The following PODXL2 variants were observed in gnomAD, a reference collection of about 807,000 sequenced individuals.
PODXL2 encodes podocalyxin like 2.
Under a neutral mutation model 53.4 loss-of-function variants are expected in PODXL2, and 17 were observed. That is an observed-to-expected ratio of 0.32 (90% confidence interval 0.22 to 0.48). PODXL2 has a LOEUF of 0.48. Among genes scored for constraint, PODXL2 ranks in the 20% least tolerant of loss-of-function variants. The pLI is 0.99. For missense variants in PODXL2, 673 were observed against 760.0 expected, an observed-to-expected ratio of 0.89 and a Z score of 1.35; for synonymous variants, 311 against 306.7, an observed-to-expected ratio of 1.01 and a Z score of -0.15.
intron 5 of PODXL2, 146 bp from the exon 6 acceptor site, chr3:127,668,995 G>T (rs1429894411): frequency 8.4e-6 from 5 of 594,092 alleles, no homozygotes; most frequent in African/African-American, 1.9e-5. Flanking sequence ...AGAGGGGGAG[G>T]CATGTGCCTT....
At position 127,668,590 on chromosome 3, in the gene PODXL2, C is replaced by A. The variant is rs115801246; in HGVS notation, c.1356C>A (p.Gly452=). ...AGCACCTTCTCATGACACTGGTGGG[C>A]GAGCAGGGTGAGCGAGGGCAGGTGA... The part of the protein sequence containing the change: ...KEQHLLMTLV[G]EQGVVPTQDV... Residue 452 remains glycine (G), a synonymous_variant, in exon 5 of 8, where the codon GGC becomes GGA. Transcript: ENST00000342480. 8.0e-5 allele frequency: 123 copies of A among 1,534,148 alleles called. No homozygotes were observed. Among genetic ancestry groups the A allele is most frequent in the Non-Finnish European group, 1.1e-4 (120 of 1,138,390 alleles).
chr3:127,633,353 A>G (rs1177067392), intron 1 of PODXL2, among the ~76,000 whole-genome samples: 1 of 152,176 alleles, frequency 6.6e-6, no homozygotes, highest in East Asian at 1.9e-4. Context: ...CATCCACAAG[A>G]TGTTTTTGTG....
chr3:127,652,620 A>T (rs1487743732), intron 2 of PODXL2, among the ~76,000 whole-genome samples: 1 of 152,142 alleles, frequency 6.6e-6, no homozygotes, highest in Non-Finnish European at 1.5e-5. Context: ...GAGGACAGGG[A>T]TGAATCCATG....
intron 4 of PODXL2, chr3:127,665,914 T>C (rs1410458174): frequency 2.2e-6 from 1 of 464,394 alleles, no homozygotes; most frequent in Admixed American, 2.3e-5. Flanking sequence ...TTCCTTTTAA[T>C]GAGGAAAGGT....
chr3:127,661,029 C>T lies in PODXL2; in HGVS notation c.1001C>T (p.Ser334Phe), dbSNP rs759179475. ...CTTGGCTCTAGAACCTCAGCCTCTT[C>T]CCCACTGGCCCCTGGAGACATGGAA... ...DPLGSRTSASSPLAPGDMELT... is the reference protein window; with the variant it reads ...DPLGSRTSASFPLAPGDMELT... Residue 334 changes from serine (S) to phenylalanine (F), a missense_variant, in exon 3 of 8, where the codon TCC becomes TTC. This residue lies in a region of PODXL2 where 588 missense variants were observed against 668.3 expected (regional missense o/e 0.88). Coordinates refer to ENST00000342480, the MANE Select transcript of PODXL2 (RefSeq NM_015720.4). 5.0e-6 allele frequency: 8 copies of T among 1,614,104 alleles called. No homozygotes were observed. The highest frequency in any genetic ancestry group is 5.9e-6 in the Non-Finnish European group (7 of 1,180,018).
intron 2 of PODXL2, among the ~76,000 whole-genome samples, chr3:127,645,862 G>T (rs928627319): frequency 3.3e-5 from 5 of 152,214 alleles, no homozygotes; most frequent in East Asian, 1.9e-4. Flanking sequence ...CTGTCTAGGG[G>T]TTCTTGGGGA....
chr3:127,631,661 T>C (rs1206281151), intron 1 of PODXL2, among the ~76,000 whole-genome samples: 1 of 152,228 alleles, frequency 6.6e-6, no homozygotes, highest in Non-Finnish European at 1.5e-5. Flanking sequence ...AGATTAATTA[T>C]TAAGTGCAAA....
intron 6 of PODXL2, among the ~76,000 whole-genome samples, chr3:127,670,625 C>T (rs929118248): frequency 2.0e-5 from 3 of 152,196 alleles, no homozygotes; most frequent in Admixed American, 6.5e-5. Context: ...GGGTGGTTCA[C>T]AGAAACCGGG....
At chr3:127,658,924 G>T (rs1224002751) in intron 2 of PODXL2, among the ~76,000 whole-genome samples, 1 of 151,022 alleles carries the variant, frequency 6.6e-6, no homozygotes, top group Admixed American at 6.6e-5. Flanking sequence ...TACATTGGTT[G>T]TCTGTATCTT....
chr3:127,665,310 G>C (rs546576215), intron 4 of PODXL2, among the ~76,000 whole-genome samples: 2 of 152,306 alleles, frequency 1.3e-5, no homozygotes, highest in South Asian at 4.1e-4. Context: ...AAACTGATGG[G>C]CTATACAGAG....
At position 127,668,511 on chromosome 3, in the gene PODXL2, G is replaced by T. The variant is rs760816062; in HGVS notation, c.1277G>T (p.Ser426Ile). 1 of 1,578,234 alleles carries T rather than the reference G, an allele frequency of 6.3e-7. No individual in the cohort carries two copies. The highest frequency in any genetic ancestry group is 8.6e-7 in the Non-Finnish European group (1 of 1,162,706). ...GAAGAGGTGCTGCCCCGCCATGGCAGTGGCCACCATGGGGCCTGGCACATC... is the reference window on the plus strand; with the variant it reads ...GAAGAGGTGCTGCCCCGCCATGGCATTGGCCACCATGGGGCCTGGCACATC... ...LVEEVLPRHGSGHHGAWHISL... is the reference protein window; with the variant it reads ...LVEEVLPRHGIGHHGAWHISL... The change falls in exon 5 of 8, where the codon AGT becomes ATT. Residue 426 changes from serine (S) to isoleucine (I), a missense_variant. Coordinates refer to ENST00000342480, the MANE Select transcript of PODXL2 (RefSeq NM_015720.4).
chr3:127,648,795 T>C (rs957630136), intron 2 of PODXL2, among the ~76,000 whole-genome samples: 1 of 143,990 alleles, frequency 6.9e-6, no homozygotes, highest in East Asian at 2.0e-4. Context: ...TTCTTTTTTT[T>C]TTTTTTTTTT....
chr3:127,630,484 T>C (rs1326739319), intron 1 of PODXL2, among the ~76,000 whole-genome samples: 1 of 152,160 alleles, frequency 6.6e-6, no homozygotes, highest in South Asian at 2.1e-4. Flanking sequence ...AGCTGGCCCA[T>C]GAAGACACAG....
At chr3:127,648,614 T>C (rs886406369) in intron 2 of PODXL2, among the ~76,000 whole-genome samples, 34 of 151,858 alleles carry the variant, frequency 2.2e-4, no homozygotes, top group African/African-American at 7.5e-4. Context: ...GGACTATCTC[T>C]TTCTGGACTT....
At position 127,629,397 on chromosome 3, in the gene PODXL2, G is replaced by A; in HGVS notation, c.70+108G>A. 2 of 863,122 alleles carry A rather than the reference G, an allele frequency of 2.3e-6. No homozygotes were observed. Among genetic ancestry groups the A allele is most frequent in the South Asian group, 1.0e-4 (2 of 19,940 alleles). The allele number at this position is 863,122 out of a possible 1,614,324, so 53.5% of individuals were successfully genotyped here. A position where few individuals can be genotyped will look rare whatever the true frequency, so the allele number is the denominator to read the frequency against. ...AGGGGCCAGAGTGCGGCGCCGCCGGGAGCGCGCGTGTCCCGGCCGGGCCGC... is the reference window on the plus strand; with the variant it reads ...AGGGGCCAGAGTGCGGCGCCGCCGGAAGCGCGCGTGTCCCGGCCGGGCCGC... On this transcript the variant is annotated intron_variant, in intron 1 of 7. Transcript: ENST00000342480. This position sits in a 1 kb window ranked among gnomAD's most constrained non-coding sequence, Gnocchi z 6.4.
chr3:127,666,160 T>C (rs1185223520), intron 4 of PODXL2, among the ~76,000 whole-genome samples: 1 of 152,230 alleles, frequency 6.6e-6, no homozygotes, highest in East Asian at 1.9e-4. Context: ...TGCTACAAAC[T>C]TTAGATCTGT....
chr3:127,669,698 G>A (rs1315962402), intron 6 of PODXL2, among the ~76,000 whole-genome samples: 3 of 152,214 alleles, frequency 2.0e-5, no homozygotes, highest in Non-Finnish European at 4.4e-5. Context: ...CTCCTGCTGC[G>A]GTGAGATGCG....
intron 1 of PODXL2, among the ~76,000 whole-genome samples, chr3:127,632,546 A>G (rs1349070753): frequency 1.3e-5 from 2 of 152,192 alleles, no homozygotes; most frequent in African/African-American, 2.4e-5. Flanking sequence ...AACCTATACA[A>G]TGTGTATTAT....
chr3:127,654,529 C>T (rs1180999577), intron 2 of PODXL2, among the ~76,000 whole-genome samples: 2 of 152,104 alleles, frequency 1.3e-5, no homozygotes, highest in Non-Finnish European at 2.9e-5. Flanking sequence ...TCAGGCCTCC[C>T]GGTAATTCTG....
Sources: allele counts gnomAD v4.1 joint callset (sites outside exome capture counted in the v4.1 genomes callset), GRCh38; gene constraint gnomAD v4.1.1; regional missense constraint gnomAD v4.1.1; non-coding constraint Gnocchi (gnomAD v3.1); transcripts MANE v1.5; gene names NCBI Gene and HGNC (gene_info 2026-07-23, HGNC 2026-07-21).